The following ZNF44 variants were observed in gnomAD, a reference collection of about 807,000 sequenced individuals.
The protein encoded by ZNF44 is gonadotropin inducible transcription repressor-2.
ZNF44 carries 9 observed loss-of-function variants against 11.7 expected under a neutral mutation model. The observed-to-expected ratio is 0.77, with a 90% CI of 0.46 to 1.35. The LOEUF (loss-of-function observed/expected upper bound fraction) is 1.35. ZNF44 is among the 40% of genes most tolerant of loss of function. The probability of loss-of-function intolerance (pLI) is 0.00; values close to 1 mark genes in which losing one functional copy is unlikely to be tolerated. For missense variants in ZNF44, 696 were observed against 743.1 expected (o/e 0.94, Z 0.74); for synonymous variants, 224 against 242.7 (o/e 0.92, Z 0.72).
rs534633199 is a variant in ZNF44, at chr19:12,260,154, T to G, written c.1913-9786A>C. The G allele has an allele frequency of 5.9e-5, 45 of 756,518 alleles. No individual in the cohort carries two copies. The African/African-American group carries it at 7.3e-4, about 12-fold the overall frequency. The allele number at this position is 756,518 out of a possible 1,614,324, so 46.9% of individuals were successfully genotyped here. The stretch of plus-strand genomic sequence containing the variant: ...TCCGCGCATCTGCAATGGATGGTCG[T>G]GCAGAACTGCTCCAGTTTCTGATCA... On this transcript the variant is annotated intron_variant and NMD_transcript_variant, in intron 5 of 7. Transcript: ENST00000393337.
At chr19:12,237,412 C>T (rs933059055) in intron 1 of ZNF44, 3 of 158,570 alleles carry the variant, frequency 1.9e-5, no homozygotes, top group Non-Finnish European at 4.2e-5. Flanking sequence ...CACAGCAGGT[C>T]CCAACCAGCC....
At chr19:12,259,396 A>G (rs1460638399) in intron 5 of ZNF44, among the ~76,000 whole-genome samples, 3 of 152,230 alleles carry the variant, frequency 2.0e-5, no homozygotes, top group African/African-American at 7.2e-5. Context: ...AGGTTTATCA[A>G]CTGATACAGA....
chr19:12,257,985 AAAAC>A (rs1346004230), intron 5 of ZNF44, among the ~76,000 whole-genome samples: 5 of 151,428 alleles, frequency 3.3e-5, no homozygotes, highest in East Asian at 3.9e-4. Context: ...CAAAAAAACA[AAAAC>A]AAACAAAAAA....
At chr19:12,291,439 G>A (rs947241142) in intron 1 of ZNF44, among the ~76,000 whole-genome samples, 3 of 152,154 alleles carry the variant, frequency 2.0e-5, no homozygotes, top group Non-Finnish European at 4.4e-5. Flanking sequence ...TAAAAGACCT[G>A]AGAAACCTAT....
downstream of ZNF44, among the ~76,000 whole-genome samples, chr19:12,243,195 A>G (rs901647785): frequency 1.3e-5 from 2 of 152,216 alleles, no homozygotes; most frequent in African/African-American, 4.8e-5. Context: ...CATGATGTAC[A>G]GTTATGTTTT....
At chr19:12,289,741 T>G (rs1967924800) in intron 1 of ZNF44, among the ~76,000 whole-genome samples, 2 of 150,420 alleles carry the variant, frequency 1.3e-5, no homozygotes, top group South Asian at 4.3e-4. Flanking sequence ...GCCTCCCCAG[T>G]TCACACCATT....
downstream of ZNF44, among the ~76,000 whole-genome samples, chr19:12,268,178 ACAC>A (rs1265534383): frequency 5.7e-4 from 80 of 140,284 alleles, no homozygotes; most frequent in East Asian, 1.3e-3. Flanking sequence ...ACACACACAC[ACAC>A]AAGCTCCTTC....
chr19:12,286,207 A>T (rs963964562), intron 1 of ZNF44, among the ~76,000 whole-genome samples: 2 of 152,168 alleles, frequency 1.3e-5, no homozygotes, highest in African/African-American at 4.8e-5. Flanking sequence ...AATCAAATCA[A>T]TATTCTCTAG....
At chr19:12,248,193 T>G (rs1373498209) in exon 8 of ZNF44, 2 of 1,307,960 alleles carry the variant, frequency 1.5e-6, no homozygotes, top group African/African-American at 3.0e-5. Flanking sequence ...TTCCTTACAT[T>G]TGTAGGGTTT....
At chr19:12,282,663 T>C (rs1967530733) in intron 1 of ZNF44, among the ~76,000 whole-genome samples, 1 of 152,052 alleles carries the variant, frequency 6.6e-6, no homozygotes. Context: ...CCTGAGGTGA[T>C]CCGCCCACCT....
At chr19:12,237,889 C>A (rs991481404), upstream of ZNF44, 1 of 152,160 alleles carries the variant, frequency 6.6e-6, no homozygotes, top group African/African-American at 2.4e-5. Context: ...TGGCATCTTC[C>A]TATACTCACT....
upstream of ZNF44, among the ~76,000 whole-genome samples, chr19:12,240,507 T>C (rs1256506140): frequency 6.9e-6 from 1 of 144,482 alleles, no homozygotes; most frequent in East Asian, 2.1e-4. Flanking sequence ...TCTCCCCTAA[T>C]ACCAAAACAA....
chr19:12,232,649 G>C (rs1226274694), intron 2 of ZNF44, among the ~76,000 whole-genome samples: 1 of 152,214 alleles, frequency 6.6e-6, no homozygotes, highest in East Asian at 1.9e-4. Flanking sequence ...CCAGAGAGCA[G>C]GGGGTTGGGA....
At chr19:12,294,623 A>G (rs1968169232) in intron 1 of ZNF44, 69 bp downstream of exon 1, 11 of 1,537,934 alleles carry the variant, frequency 7.2e-6, no homozygotes, top group African/African-American at 2.8e-5. Context: ...GGGTCCCGCC[A>G]CAGCCGGTTC....
chr19:12,248,293 C>CCTTA, exon 8 of ZNF44: 1 of 1,295,738 alleles, frequency 7.7e-7, no homozygotes, highest in Non-Finnish European at 1.0e-6. Flanking sequence ...GGTTTATCTC[C>CCTTA]AGTGTGAGTC....
Position 12,272,206 on chromosome 19 carries a change from T to C in ZNF44, c.*201A>G, listed in dbSNP as rs1007706002. 2 of 814,644 alleles carry C rather than the reference T, an allele frequency of 2.5e-6. No homozygotes were observed. The highest frequency in any genetic ancestry group is 3.3e-6 in the Non-Finnish European group (2 of 603,428). The allele number at this position is 814,644 out of a possible 1,614,324, so 50.5% of individuals were successfully genotyped here. A position where few individuals can be genotyped will look rare whatever the true frequency, so the allele number is the denominator to read the frequency against. The stretch of plus-strand genomic sequence containing the variant: ...TTTTTAGTAGAGACAGGGTTTCCCA[T>C]GTTAGCCAGGCTGGTCTCGATCTCC... On this transcript the variant is annotated 3_prime_UTR_variant, in exon 4 of 4. Coordinates refer to ENST00000355684, the MANE Select transcript of ZNF44 (RefSeq NM_016264.4).
intron 1 of ZNF44, among the ~76,000 whole-genome samples, chr19:12,281,508 T>C (rs549955981): frequency 6.6e-6 from 1 of 152,304 alleles, no homozygotes; most frequent in Non-Finnish European, 1.5e-5. Flanking sequence ...TAACCTTCCA[T>C]TTTAGGAAAC....
intron 5 of ZNF44, among the ~76,000 whole-genome samples, chr19:12,252,436 AG>A (rs1917046877): frequency 6.6e-6 from 1 of 152,246 alleles, no homozygotes; most frequent in African/African-American, 2.4e-5. Flanking sequence ...CCAGAAAGAA[AG>A]TAAATAACAA....
At chr19:12,266,167 TAGAGCCCCAGACCCCGG>T in intron 5 of ZNF44, 1 of 799,692 alleles carries the variant, frequency 1.3e-6, no homozygotes, top group Non-Finnish European at 1.5e-6. Flanking sequence ...CCATGGGGAC[TAGAGCCCCAGACCCCGG>T]AGTCGCCCGC....
Sources: allele counts gnomAD v4.1 joint callset (sites outside exome capture counted in the v4.1 genomes callset), GRCh38; gene constraint gnomAD v4.1.1; transcripts MANE v1.5; gene names NCBI Gene and HGNC (gene_info 2026-07-23, HGNC 2026-07-21).